Variants in NBAS observed in about 807,000 individuals in gnomAD.
NBAS encodes the protein NAG/BC035112 fusion.
In NBAS, 219 loss-of-function variants were observed where a neutral mutation model predicts 302.5. The ratio of observed to expected loss-of-function variants is 0.72; its 90% CI spans 0.65 to 0.81. The LOEUF is 0.81. Among genes scored for constraint, NBAS ranks in the 30% least tolerant of loss-of-function variants. NBAS has a pLI of 0.00. For missense variants in NBAS, 2,932 were observed against 2,841.6 expected (o/e 1.03, Z -0.72); for synonymous variants, 1,118 against 1,021.6 (o/e 1.09, Z -1.80).
At chr2:15,440,707 C>T (rs769448565) in intron 21 of NBAS, among the ~76,000 whole-genome samples, 58 of 152,100 alleles carry the variant, frequency 3.8e-4, no homozygotes, top group African/African-American at 1.2e-4. Context: ...CCAACTACTC[C>T]GAGCTACAGG....
the NBAS span, among the ~76,000 whole-genome samples, chr2:15,110,911 G>A: frequency 6.6e-6 from 1 of 152,060 alleles, no homozygotes; most frequent in Non-Finnish European, 1.5e-5. Context: ...AGGGCTTGAA[G>A]AAACATAATG....
At chr2:15,156,930 G>T in the NBAS span, among the ~76,000 whole-genome samples, 1 of 152,078 alleles carries the variant, frequency 6.6e-6, no homozygotes, top group Non-Finnish European at 1.5e-5. Context: ...TCTGGATTTT[G>T]GGGAATCCAG....
chr2:15,437,302 G>A (rs539904829), intron 21 of NBAS, among the ~76,000 whole-genome samples: 110 of 152,304 alleles, frequency 7.2e-4, no homozygotes, highest in Non-Finnish European at 1.3e-3. Flanking sequence ...GGGTGACAGA[G>A]AGTCTCCATC....
the NBAS span, among the ~76,000 whole-genome samples, chr2:15,007,800 T>C: frequency 1.3e-5 from 2 of 152,228 alleles, no homozygotes. Context: ...TGAAAAGAGC[T>C]TGGATTTGGT....
At chr2:15,477,727 T>C (rs1407841671) in intron 13 of NBAS, among the ~76,000 whole-genome samples, 1 of 152,172 alleles carries the variant, frequency 6.6e-6, no homozygotes, top group African/African-American at 2.4e-5. Flanking sequence ...TTTTATAATA[T>C]CTCTGTTTCA....
At chr2:14,982,743 A>G in the NBAS span, among the ~76,000 whole-genome samples, 1 of 152,214 alleles carries the variant, frequency 6.6e-6, no homozygotes, top group Non-Finnish European at 1.5e-5. Context: ...GAAAATAAAA[A>G]TTAATTTAAA....
intron 35 of NBAS, among the ~76,000 whole-genome samples, chr2:15,345,583 A>G (rs1160537967): frequency 6.6e-6 from 1 of 152,182 alleles, no homozygotes; most frequent in Non-Finnish European, 1.5e-5. Flanking sequence ...ATAGTGCCCA[A>G]AGTAATTTAT....
At chr2:14,996,760 C>T in the NBAS span, among the ~76,000 whole-genome samples, 1 of 152,164 alleles carries the variant, frequency 6.6e-6, no homozygotes, top group Non-Finnish European at 1.5e-5. Context: ...GTAAGAGAAT[C>T]TTTCCTTAGA....
At chr2:15,296,174 G>T (rs1285217491) in intron 40 of NBAS, among the ~76,000 whole-genome samples, 1 of 152,140 alleles carries the variant, frequency 6.6e-6, no homozygotes, top group Admixed American at 6.6e-5. Context: ...AGTTTCTTCA[G>T]ATATAAAGCA....
Position 15,415,732 on chromosome 2 carries a change from T to C in NBAS, c.2764-13A>G. 6.2e-7 allele frequency: 1 copy of C among 1,614,024 alleles called. No individual in the cohort carries two copies. Among genetic ancestry groups the C allele is most frequent in the Non-Finnish European group, 8.5e-7 (1 of 1,179,932 alleles). ...TATCCTCAGAACACTGAAAGTACAA[T>C]CAAGCAAAACAGACAAACAAGAATG... On this transcript the variant is annotated splice_polypyrimidine_tract_variant and intron_variant, in intron 24 of 51. Coordinates refer to ENST00000281513, the MANE Select transcript of NBAS (RefSeq NM_015909.4).
chr2:15,106,456 TC>T, the NBAS span, among the ~76,000 whole-genome samples: 1 of 38,130 alleles, frequency 2.6e-5, no homozygotes, highest in Non-Finnish European at 9.7e-5. Flanking sequence ...TCTCTGTCTC[TC>T]TCTCTCTCTC....
chr2:15,058,972 T>A, the NBAS span, among the ~76,000 whole-genome samples: 1 of 152,210 alleles, frequency 6.6e-6, no homozygotes. Context: ...CCAGCTTCAG[T>A]ATCTGCTTCT....
At chr2:14,952,988 T>C in the NBAS span, among the ~76,000 whole-genome samples, 32 of 152,046 alleles carry the variant, frequency 2.1e-4, no homozygotes, top group African/African-American at 3.6e-4. Flanking sequence ...TGAAGGTAGA[T>C]GGAGAGGTAG....
the NBAS span, among the ~76,000 whole-genome samples, chr2:15,087,891 G>A: frequency 6.6e-6 from 1 of 152,244 alleles, no homozygotes; most frequent in Admixed American, 6.5e-5. Flanking sequence ...GGAACTCAAA[G>A]CACAAACTCT....
At chr2:15,221,507 C>T (rs1048458463) in intron 47 of NBAS, among the ~76,000 whole-genome samples, 5 of 152,058 alleles carry the variant, frequency 3.3e-5, no homozygotes, top group East Asian at 1.9e-4. Flanking sequence ...TTATATGGTC[C>T]GTGCCTTCAA....
chr2:14,873,396 T>C, the NBAS span, among the ~76,000 whole-genome samples: 3 of 152,172 alleles, frequency 2.0e-5, no homozygotes, highest in Non-Finnish European at 2.9e-5. Flanking sequence ...TTTGTATTTT[T>C]AGTAGAGATG....
At chr2:14,903,470 A>G in the NBAS span, among the ~76,000 whole-genome samples, 35,950 of 152,144 alleles carry the variant, frequency 0.24, 4,426 homozygotes, top group Non-Finnish European at 0.27. Context: ...GACAAAGTGG[A>G]CCTGGCCCAG....
the NBAS span, among the ~76,000 whole-genome samples, chr2:15,023,717 C>T: frequency 6.7e-6 from 1 of 148,844 alleles, no homozygotes; most frequent in Admixed American, 6.7e-5. Context: ...CTGGTATTTG[C>T]TTTTCTCTAA....
chr2:15,482,337 G>A (rs564421572), intron 12 of NBAS, among the ~76,000 whole-genome samples: 7 of 152,104 alleles, frequency 4.6e-5, no homozygotes, highest in African/African-American at 7.2e-5. Context: ...GCCTGGTCCC[G>A]AACTCCTGGG....
Sources: gnomAD v4.1 joint callset for allele counts (sites outside exome capture counted in the v4.1 genomes callset) on GRCh38, gnomAD v4.1.1 for gene constraint, MANE v1.5 for transcripts, NCBI Gene and HGNC (gene_info 2026-07-23, HGNC 2026-07-21) for gene names.